ROR2: variants seen among roughly 807,000 people sequenced by gnomAD.
ROR2 encodes the protein ROR family WNT receptor 2, also known as tyrosine-protein kinase transmembrane receptor ROR2.
ROR2 carries 33 observed loss-of-function variants against 74.9 expected under a neutral mutation model. That is an observed-to-expected ratio of 0.44 (90% CI 0.33 to 0.59). ROR2 has a LOEUF of 0.59. Ranked by LOEUF, ROR2 falls within the 20% of genes least tolerant of loss-of-function variation. ROR2 has a pLI of 0.02. For synonymous variants in ROR2, 586 were observed against 558.7 expected, an observed-to-expected ratio of 1.05 and a Z score of -0.69; for missense variants, 1,216 against 1,313.8, an observed-to-expected ratio of 0.93 and a Z score of 1.15.
At chr9:91,762,309 C>T (rs1249710834) in intron 2 of ROR2, among the ~76,000 whole-genome samples, 1 of 152,206 alleles carries the variant, frequency 6.6e-6, no homozygotes, top group Non-Finnish European at 1.5e-5. Context: ...GATCTTGCCA[C>T]TTTACTCAGC....
intron 7 of ROR2, 40 bp downstream of exon 7, chr9:91,730,869 CA>C: frequency 6.2e-7 from 1 of 1,613,254 alleles, no homozygotes; most frequent in East Asian, 2.2e-5. Flanking sequence ...AAGGTTCACT[CA>C]ACAATCAACA....
chr9:91,752,616 C>T (rs774275383), intron 4 of ROR2, among the ~76,000 whole-genome samples: 8 of 152,216 alleles, frequency 5.3e-5, no homozygotes, highest in Admixed American at 1.3e-4. Context: ...AGCCTGCAAG[C>T]GTGACAGAGA....
intron 1 of ROR2, among the ~76,000 whole-genome samples, chr9:91,853,163 C>A (rs749652466): frequency 2.0e-5 from 3 of 152,304 alleles, no homozygotes; most frequent in South Asian, 4.1e-4. Flanking sequence ...TGGGCCTTTG[C>A]CCCTGGGATT....
chr9:91,753,145 ATCATGACATTCTTTAAC>A (rs1825641429), intron 4 of ROR2, among the ~76,000 whole-genome samples: 1 of 152,270 alleles, frequency 6.6e-6, no homozygotes, highest in Admixed American at 6.5e-5. Context: ...TTTCAAGGAA[ATCATGACATTCTTTAAC>A]AAGACATAAC....
chr9:91,860,168 C>T (rs1002547253), intron 1 of ROR2, among the ~76,000 whole-genome samples: 8 of 152,184 alleles, frequency 5.3e-5, no homozygotes, highest in South Asian at 2.1e-4. Context: ...GTTAGACCTT[C>T]GCCATCTGGG....
intron 2 of ROR2, among the ~76,000 whole-genome samples, chr9:91,769,560 G>A (rs991902408): frequency 2.0e-5 from 3 of 152,086 alleles, no homozygotes; most frequent in Non-Finnish European, 2.9e-5. Context: ...CGTGCCCACC[G>A]TGAGACTGGG....
intron 1 of ROR2, among the ~76,000 whole-genome samples, chr9:91,841,790 C>T (rs1828791017): frequency 6.6e-6 from 1 of 152,216 alleles, no homozygotes; most frequent in African/African-American, 2.4e-5. Context: ...GACCTCCCTG[C>T]CATCCCCACT....
intron 1 of ROR2, among the ~76,000 whole-genome samples, chr9:91,896,611 G>A (rs1276459364): frequency 6.6e-6 from 1 of 152,018 alleles, no homozygotes; most frequent in Non-Finnish European, 1.5e-5. Flanking sequence ...TGCCTCACTG[G>A]ACACCAAGAA....
At chr9:91,800,342 CA>C (rs576971389) in intron 1 of ROR2, among the ~76,000 whole-genome samples, 5,290 of 131,100 alleles carry the variant, frequency 0.04, 119 homozygotes, top group Non-Finnish European at 0.055. Flanking sequence ...GACTCCGTCT[CA>C]AAAAAAAAAA....
At chr9:91,768,245 A>C (rs1336978313) in intron 2 of ROR2, among the ~76,000 whole-genome samples, 3 of 152,190 alleles carry the variant, frequency 2.0e-5, no homozygotes, top group African/African-American at 7.2e-5. Context: ...TGATGTCTTA[A>C]GGCACCTCGT....
At chr9:91,841,577 G>A (rs755718547) in intron 1 of ROR2, among the ~76,000 whole-genome samples, 2 of 152,254 alleles carry the variant, frequency 1.3e-5, no homozygotes, top group Non-Finnish European at 2.9e-5. Context: ...TTGCAAATGG[G>A]TGAGGTCTGT....
intron 1 of ROR2, among the ~76,000 whole-genome samples, chr9:91,906,183 G>T (rs1457563154): frequency 6.6e-6 from 1 of 152,172 alleles, no homozygotes; most frequent in African/African-American, 2.4e-5. Flanking sequence ...CAGGGCTGAG[G>T]GGGAGAGCAG....
intron 1 of ROR2, among the ~76,000 whole-genome samples, chr9:91,872,913 C>T (rs1186946515): frequency 1.3e-5 from 2 of 152,220 alleles, no homozygotes; most frequent in Admixed American, 6.5e-5. Context: ...TGCAGGTCCA[C>T]AGGCCAAGTG....
intron 2 of ROR2, among the ~76,000 whole-genome samples, chr9:91,769,597 G>C (rs144991429): frequency 2.4e-4 from 36 of 152,124 alleles, no homozygotes; most frequent in African/African-American, 8.4e-4. Context: ...CTCTGAGCGG[G>C]ACTCTACGTT....
chr9:91,919,828 G>A (rs1831221533), intron 1 of ROR2, among the ~76,000 whole-genome samples: 1 of 152,158 alleles, frequency 6.6e-6, no homozygotes. Context: ...AGGTTTCCCA[G>A]CCCACCTTCA....
At chr9:91,793,786 A>C (rs911097197) in intron 1 of ROR2, among the ~76,000 whole-genome samples, 1 of 151,818 alleles carries the variant, frequency 6.6e-6, no homozygotes, top group African/African-American at 2.4e-5. Flanking sequence ...AGACACAAAG[A>C]GTTTACATAA....
intron 2 of ROR2, among the ~76,000 whole-genome samples, chr9:91,772,453 G>A (rs934658432): frequency 2.0e-5 from 3 of 152,194 alleles, no homozygotes; most frequent in Non-Finnish European, 4.4e-5. Flanking sequence ...CCTGACCCCA[G>A]GGGGAAGGGT....
At chr9:91,773,070 G>T (rs1826289418) in intron 2 of ROR2, among the ~76,000 whole-genome samples, 1 of 152,090 alleles carries the variant, frequency 6.6e-6, no homozygotes, top group African/African-American at 2.4e-5. Context: ...GGTTATTTGT[G>T]ATCACTCCAC....
chr9:91,773,324 C>A (rs796204836), intron 2 of ROR2, among the ~76,000 whole-genome samples: 1 of 152,224 alleles, frequency 6.6e-6, no homozygotes, highest in Non-Finnish European at 1.5e-5. Context: ...CCCCCTCCCC[C>A]TCAACTGCAT....
Sources: allele counts gnomAD v4.1 joint callset (sites outside exome capture counted in the v4.1 genomes callset), GRCh38; gene constraint gnomAD v4.1.1; transcripts MANE v1.5; gene names NCBI Gene and HGNC (gene_info 2026-07-23, HGNC 2026-07-21).